MN1: variants seen among roughly 807,000 people sequenced by gnomAD.
MN1 encodes the protein MN1 proto-oncogene, transcriptional regulator, also known as transcriptional activator MN1.
In MN1, 19 loss-of-function variants were observed where a neutral mutation model predicts 86.9. The observed-to-expected ratio is 0.22, with a 90% CI of 0.15 to 0.32. The LOEUF (loss-of-function observed/expected upper bound fraction) is 0.32, where lower values mean the gene tolerates loss of function less well. Ranked by LOEUF, MN1 falls within the 10% of genes least tolerant of loss-of-function variation. The pLI, the probability that MN1 is intolerant of heterozygous loss-of-function variation, is 1.00. For missense variants in MN1, 1,841 were observed against 1,862.0 expected, an observed-to-expected ratio of 0.99 and a Z score of 0.21; for synonymous variants, 928 against 849.6, an observed-to-expected ratio of 1.09 and a Z score of -1.60.
intron 1 of MN1, among the ~76,000 whole-genome samples, chr22:27,790,290 G>A (rs1301281071): frequency 1.3e-5 from 2 of 152,212 alleles, no homozygotes; most frequent in East Asian, 1.9e-4. Context: ...CCCCTGAAGC[G>A]CACACTTGGC....
intron 1 of MN1, among the ~76,000 whole-genome samples, chr22:27,772,877 CATCATCATA>C (rs955905526): frequency 7.4e-5 from 11 of 149,218 alleles, no homozygotes; most frequent in Non-Finnish European, 1.0e-4. Context: ...TCATCATCAT[CATCATCATA>C]ATCAAGCAGT....
rs190821771 is a variant in MN1, at chr22:27,773,679, T to C, written c.3782-22583A>G. On this transcript the variant is annotated intron_variant, in intron 1 of 1. Coordinates refer to ENST00000302326, the MANE Select transcript of MN1 (RefSeq NM_002430.3). ...CATTTATTTATTTATTCATGAATGA[T>C]AGAGTCTCGCTCTGTTGCCTAGGCT... Among the ~76,000 whole-genome samples, 259 of 152,332 alleles carry C rather than the reference T, an allele frequency of 1.7e-3. 1 individual carries two copies. Among genetic ancestry groups the C allele is most frequent in the Admixed American group, 4.6e-3 (71 of 15,296 alleles).
chr22:27,763,172 C>T (rs913831794), intron 1 of MN1, among the ~76,000 whole-genome samples: 3 of 152,142 alleles, frequency 2.0e-5, no homozygotes, highest in Admixed American at 2.0e-4. Context: ...GCTTCCAGCC[C>T]ATTGGAGGAA....
At chr22:27,773,750 G>A (rs1375878629) in intron 1 of MN1, among the ~76,000 whole-genome samples, 1 of 152,078 alleles carries the variant, frequency 6.6e-6, no homozygotes, top group Non-Finnish European at 1.5e-5. Context: ...TCTGCCTCCC[G>A]GGTTCAAGCA....
chr22:27,791,118 G>C (rs887610812), intron 1 of MN1, among the ~76,000 whole-genome samples: 2 of 152,162 alleles, frequency 1.3e-5, no homozygotes, highest in Non-Finnish European at 2.9e-5. Flanking sequence ...GATGGGGCGA[G>C]GGGGAGAGAG....
At chr22:27,779,421 T>C (rs1007344545) in intron 1 of MN1, among the ~76,000 whole-genome samples, 1 of 152,034 alleles carries the variant, frequency 6.6e-6, no homozygotes, top group Non-Finnish European at 1.5e-5. Context: ...GGGGAACAAA[T>C]GGGAAGACCT....
chr22:27,779,321 C>G (rs1041772990), intron 1 of MN1, among the ~76,000 whole-genome samples: 1 of 152,168 alleles, frequency 6.6e-6, no homozygotes, highest in Admixed American at 6.5e-5. Flanking sequence ...GATAGAATAG[C>G]TGACTGAGGA....
chr22:27,798,363 C>A lies in MN1; in HGVS notation c.2181G>T (p.Glu727Asp), dbSNP rs763502112. 1 of 1,501,774 alleles carries A rather than the reference C, an allele frequency of 6.7e-7. No homozygotes were observed. Among genetic ancestry groups the A allele is most frequent in the South Asian group, 1.3e-5 (1 of 79,468 alleles). The allele number at this position is 1,501,774 out of a possible 1,614,324, so 93.0% of individuals were successfully genotyped here. The change falls in exon 1 of 2, where the codon GAG (glutamate) becomes GAT (aspartate). Residue 727 changes from glutamate (E) to aspartate (D), a missense_variant. Physicochemically the swap from Glu to Asp is conservative, Grantham distance 45. Transcript: ENST00000302326. ...AGVGLPSAAS[E>D]RRPPPPDFAT... ...CAAAGTCCGGCGGCGGGGGCCGGCG[C>A]TCCGAAGCAGCGCTGGGGAGCCCCA...
At chr22:27,759,265 C>T (rs1375721992) in intron 1 of MN1, among the ~76,000 whole-genome samples, 1 of 152,156 alleles carries the variant, frequency 6.6e-6, no homozygotes, top group Non-Finnish European at 1.5e-5. Context: ...CCAAGAATGA[C>T]CTGCCTTGGC....
At chr22:27,760,687 C>T (rs924549002) in intron 1 of MN1, among the ~76,000 whole-genome samples, 8 of 152,178 alleles carry the variant, frequency 5.3e-5, no homozygotes, top group African/African-American at 9.7e-5. Context: ...GGCATCCCAC[C>T]GGGGCCACGC....
At chr22:27,753,741 A>G (rs1043514806) in intron 1 of MN1, among the ~76,000 whole-genome samples, 3 of 152,192 alleles carry the variant, frequency 2.0e-5, no homozygotes, top group Non-Finnish European at 4.4e-5. Flanking sequence ...AGCTTAAGGC[A>G]TCAGATGCAG....
intron 1 of MN1, 77 bp downstream of exon 1, chr22:27,796,686 A>C: frequency 6.9e-7 from 1 of 1,448,374 alleles, no homozygotes; most frequent in Non-Finnish European, 9.2e-7. Flanking sequence ...AAGGACCCCA[A>C]AAGGCGAAGG....
At chr22:27,788,309 T>C (rs45463392) in intron 1 of MN1, among the ~76,000 whole-genome samples, 1,763 of 152,248 alleles carry the variant, frequency 0.012, 38 homozygotes, top group African/African-American at 0.04. Flanking sequence ...GGACCTACAG[T>C]GTCCACATCA....
chr22:27,750,361 T>C lies in MN1; in HGVS notation c.*554A>G, dbSNP rs974154600. 1.7e-5 allele frequency: 4 copies of C among 230,904 alleles called. No homozygotes were observed. The highest frequency in any genetic ancestry group is 8.9e-5 in the African/African-American group (4 of 45,186). 14.3% of individuals were successfully genotyped at this position (230,904 alleles called of 1,614,324 possible). A position where few individuals can be genotyped will look rare whatever the true frequency, so the allele number is the denominator to read the frequency against. On this transcript the variant is annotated 3_prime_UTR_variant, in exon 2 of 2. Coordinates refer to ENST00000302326, the MANE Select transcript of MN1 (RefSeq NM_002430.3). Reference sequence around the variant, plus strand: ...GACACTGGGGTGTCAATATATAACATTGTGATGACAATTGGACTTTCACCC... The same window carrying C: ...GACACTGGGGTGTCAATATATAACACTGTGATGACAATTGGACTTTCACCC...
chr22:27,771,868 G>T (rs948653003), intron 1 of MN1, among the ~76,000 whole-genome samples: 1 of 152,192 alleles, frequency 6.6e-6, no homozygotes, highest in African/African-American at 2.4e-5. Flanking sequence ...TTTGCCCAAG[G>T]TCCCACAGCT....
intron 1 of MN1, among the ~76,000 whole-genome samples, chr22:27,775,633 G>A (rs930161328): frequency 3.3e-5 from 5 of 152,132 alleles, no homozygotes; most frequent in Non-Finnish European, 7.3e-5. Flanking sequence ...CAAAACTCCC[G>A]CTTCACACTC....
At chr22:27,769,896 C>T (rs2146300876) in intron 1 of MN1, among the ~76,000 whole-genome samples, 1 of 152,110 alleles carries the variant, frequency 6.6e-6, no homozygotes, top group East Asian at 1.9e-4. Flanking sequence ...GTGGCCAGCC[C>T]CAAGTCTCAG....
In MN1 at chr22:27,750,618, C is replaced by A; in HGVS notation, c.*297G>T. 2 of 289,150 alleles carry A rather than the reference C, an allele frequency of 6.9e-6. No individual in the cohort carries two copies. The highest frequency in any genetic ancestry group is 6.4e-6 in the Non-Finnish European group (1 of 156,430). The allele number at this position is 289,150 out of a possible 1,614,324, so 17.9% of individuals were successfully genotyped here. A position where few individuals can be genotyped will look rare whatever the true frequency, so the allele number is the denominator to read the frequency against. Reference sequence around the variant, plus strand: ...AAGATTACCGAAACATGGGGAGTATCTAGAGGAAAAAGGCTTAAGCAAAAG... The same window carrying A: ...AAGATTACCGAAACATGGGGAGTATATAGAGGAAAAAGGCTTAAGCAAAAG... On this transcript the variant is annotated 3_prime_UTR_variant, in exon 2 of 2. Coordinates refer to ENST00000302326, the MANE Select transcript of MN1 (RefSeq NM_002430.3).
rs1230169529 is a variant in MN1, at chr22:27,798,694, G to A, written c.1850C>T (p.Thr617Ile). ...CAAGTGCGGCGCCTGCTGCTCGAAG[G>A]TGCCCAGACGCCCGGCGCCCGTGCT... ...GGSTGAGRLG[T>I]FEQQAPHLAQ... The change falls in exon 1 of 2, where the codon ACC becomes ATC. Residue 617 changes from threonine to isoleucine, a missense_variant. By Grantham distance (89) the Thr-to-Ile change is moderately conservative. Coordinates refer to ENST00000302326, the MANE Select transcript of MN1 (RefSeq NM_002430.3). 6.5e-7 allele frequency: 1 copy of A among 1,537,952 alleles called. No homozygotes were observed. The highest frequency in any genetic ancestry group is 8.7e-7 in the Non-Finnish European group (1 of 1,149,016).
Sources: allele counts gnomAD v4.1 joint callset (sites outside exome capture counted in the v4.1 genomes callset), GRCh38; gene constraint gnomAD v4.1.1; transcripts MANE v1.5; gene names NCBI Gene and HGNC (gene_info 2026-07-23, HGNC 2026-07-21).